The following SCAP variants were observed in gnomAD, a reference collection of about 807,000 sequenced individuals.
SCAP encodes the protein sterol regulatory element-binding protein cleavage-activating protein.
SCAP carries 65 observed loss-of-function variants against 123.6 expected under a neutral mutation model. That is an observed-to-expected ratio of 0.53 (90% CI 0.43 to 0.65). The LOEUF is 0.65. Among genes scored for constraint, SCAP ranks in the 30% least tolerant of loss-of-function variants. SCAP has a pLI of 0.00. For missense variants in SCAP, 1,398 were observed against 1,712.5 expected (o/e 0.82, Z 3.24); for synonymous variants, 740 against 726.3 (o/e 1.02, Z -0.30).
chr3:47,432,331 AAG>A (rs1275756646), intron 3 of SCAP, among the ~76,000 whole-genome samples: 12 of 151,114 alleles, frequency 7.9e-5, no homozygotes, highest in Admixed American at 5.3e-4. Context: ...AAAAAAAAAA[AAG>A]AAAAGAAAAA....
At chr3:47,438,518 A>G (rs1022849877) in intron 2 of SCAP, among the ~76,000 whole-genome samples, 1 of 152,230 alleles carries the variant, frequency 6.6e-6, no homozygotes, top group African/African-American at 2.4e-5. Flanking sequence ...TTCACTTAAA[A>G]AAAAGTTAAT....
rs756295971 is a variant in SCAP at position 47,417,551 on chromosome 3, G to A, written c.2723C>T (p.Pro908Leu). The change falls in exon 17 of 23, where the codon CCA becomes CTA. Residue 908 changes from proline to leucine, a missense_variant. Around this residue, in one of 7 missense-constraint regions of SCAP, gnomAD observed 828 missense variants for 882.5 expected, o/e 0.94. Coordinates refer to ENST00000265565, the MANE Select transcript of SCAP (RefSeq NM_012235.4). Reference sequence around the variant, plus strand: ...CACCAGGCAGCTGAAGTCATAGCCTGGGGAGTCCCGAGAGCGGCCACAGAC... The same window carrying A: ...CACCAGGCAGCTGAAGTCATAGCCTAGGGAGTCCCGAGAGCGGCCACAGAC... ...RAVCGRSRDS[P>L]GYDFSCLVQR... 13 of 1,577,104 alleles carry A rather than the reference G, an allele frequency of 8.2e-6. No homozygotes were observed. Among genetic ancestry groups the A allele is most frequent in the Middle Eastern group, 3.4e-4 (2 of 5,938 alleles).
chr3:47,416,584 G>A (rs895273670), intron 18 of SCAP, among the ~76,000 whole-genome samples: 2 of 147,000 alleles, frequency 1.4e-5, no homozygotes, highest in African/African-American at 2.6e-5. Context: ...CATGTGCCAT[G>A]CCCTATTCCA....
At chr3:47,475,671 C>T (rs1164983639) in intron 1 of SCAP, 128 bp downstream of exon 1, 1 of 152,688 alleles carries the variant, frequency 6.5e-6, no homozygotes, top group Non-Finnish European at 1.5e-5. Context: ...GCCCGCACGG[C>T]TGCTGGACAG....
At chr3:47,422,312 G>A (rs943886002) in intron 10 of SCAP, 130 bp downstream of exon 10, 11 of 751,472 alleles carry the variant, frequency 1.5e-5, no homozygotes, top group Non-Finnish European at 2.4e-5. Context: ...TGCTTGCCAG[G>A]CAAAGAGGTC....
rs753765541 is a variant in SCAP at position 47,417,383 on chromosome 3, G to A, written c.2891C>T (p.Pro964Leu). ...GCTCCAGATGGAACCCTCGGCACTG[G>A]GGGCCCAGGCGAGGGAAGGGGAGCC... is the stretch of plus-strand genomic sequence containing the variant. ...EKGSPSLAWA[P>L]SAEGSIWSLE... Residue 964 changes from proline (P) to leucine (L), a missense_variant, in exon 17 of 23, where the codon CCC becomes CTC. Transcript: ENST00000265565. 6.2e-7 allele frequency: 1 copy of A among 1,602,800 alleles called. No homozygotes were observed. The highest frequency in any genetic ancestry group is 8.5e-7 in the Non-Finnish European group (1 of 1,175,710).
intron 3 of SCAP, among the ~76,000 whole-genome samples, chr3:47,430,365 C>T (rs1408675293): frequency 1.3e-5 from 2 of 152,134 alleles, no homozygotes. Flanking sequence ...CATATGCAAC[C>T]CTCAGTAACA....
At chr3:47,443,890 G>T (rs544876912) in intron 1 of SCAP, among the ~76,000 whole-genome samples, 2 of 152,106 alleles carry the variant, frequency 1.3e-5, no homozygotes, top group South Asian at 4.1e-4. Context: ...CTCTCTCCCT[G>T]GACTTTGACT....
Position 47,420,798 on chromosome 3 carries a change from C to A in SCAP, c.1345-26G>T, listed in dbSNP as rs1222365705. 1 of 1,606,388 alleles carries A rather than the reference C, an allele frequency of 6.2e-7. No individual in the cohort carries two copies. The highest frequency in any genetic ancestry group is 1.1e-5 in the South Asian group (1 of 90,750). The stretch of plus-strand genomic sequence containing the variant: ...CTGTTGGGGGCACAGTGGTCAGGGC[C>A]TGAGTCCACCATCCAGAGGCTGCTC... On this transcript the variant is annotated intron_variant, in intron 11 of 22. Coordinates refer to ENST00000265565, the MANE Select transcript of SCAP (RefSeq NM_012235.4). The surrounding 1 kb of genome is among the most constrained non-coding windows in gnomAD (Gnocchi z 5.0).
intron 20 of SCAP, 29 bp from the exon 21 acceptor site, chr3:47,414,681 G>T (rs761196193): frequency 2.2e-5 from 35 of 1,612,740 alleles, no homozygotes; most frequent in Admixed American, 2.0e-4. Context: ...TCAGGTTCTG[G>T]TCTCTGGGAT....
Position 47,414,087 on chromosome 3 carries a change from C to G in SCAP, c.3607G>C (p.Gly1203Arg), listed in dbSNP as rs1239501379. ...FYSIQQDLGCGASLGVISDNL... is the reference protein window; with the variant it reads ...FYSIQQDLGCRASLGVISDNL... ...TCTGAGATGACACCCAAGCTTGCAC[C>G]ACAGCCCAGGTCCTGGAGGCAAGGA... Residue 1203 changes from glycine to arginine, a missense_variant, in exon 23 of 23, where the codon GGT becomes CGT. Around this residue, in one of 7 missense-constraint regions of SCAP, gnomAD observed 130 missense variants for 166.7 expected, o/e 0.78. Transcript: ENST00000265565. The G allele has an allele frequency of 6.2e-7, 1 of 1,613,312 alleles. No homozygotes were observed. Among genetic ancestry groups the G allele is most frequent in the African/African-American group, 1.3e-5 (1 of 74,926 alleles).
chr3:47,413,980 C>T lies in SCAP; in HGVS notation c.3714G>A (p.Leu1238=). The change falls in exon 23 of 23, where the codon CTG becomes CTA. Residue 1238 remains leucine (L), a synonymous_variant. Transcript: ENST00000265565. The part of the protein sequence containing the change: ...NYGDLLQTVY[L]GKNSEAQPAR... Reference sequence around the variant, plus strand: ...CAGGCTGGGCCTCACTGTTCTTCCCCAGGTAGACTGTCTGTAACAGGTCCC... The same window carrying T: ...CAGGCTGGGCCTCACTGTTCTTCCCTAGGTAGACTGTCTGTAACAGGTCCC... 6.2e-7 allele frequency: 1 copy of T among 1,613,300 alleles called. No individual in the cohort carries two copies. The highest frequency in any genetic ancestry group is 8.5e-7 in the Non-Finnish European group (1 of 1,180,024).
In SCAP at chr3:47,414,223, ATGCTGATGAGGTCATCCAGGCCAC is replaced by A; in HGVS notation, c.3527_3550del (p.Ser1176_Ser1183del). ...CTTGATGCCTGTGCTGCGGTCCCAG[ATGCTGATGAGGTCATCCAGGCCAC>A]TGCTGATGACACAGGAGGTGGTACA... On this transcript the variant is annotated inframe_deletion, in exon 22 of 23. Coordinates refer to ENST00000265565, the MANE Select transcript of SCAP (RefSeq NM_012235.4). 1.2e-6 allele frequency: 2 copies of A among 1,613,666 alleles called. No homozygotes were observed. Among genetic ancestry groups the A allele is most frequent in the South Asian group, 1.1e-5 (1 of 91,088 alleles).
Position 47,417,818 on chromosome 3 carries a change from C to A in SCAP, c.2456G>T (p.Arg819Leu), listed in dbSNP as rs567401477. 2.3e-4 allele frequency: 316 copies of A among 1,378,220 alleles called. 7 individuals are homozygous for A. In the South Asian group the frequency reaches 3.7e-3, roughly 16 times the overall value. 85.4% of individuals were successfully genotyped at this position (1,378,220 alleles called of 1,614,324 possible). A position where few individuals can be genotyped will look rare whatever the true frequency, so the allele number is the denominator to read the frequency against. Residue 819 changes from arginine to leucine, a missense_variant, in exon 17 of 23, where the codon CGC becomes CTC. Coordinates refer to ENST00000265565, the MANE Select transcript of SCAP (RefSeq NM_012235.4). ...CCCGCTGCCCACGCCACTGTCCCGGCGCTGCCTGCTGGGGGCCAGGAGGGC... is the reference window on the plus strand; with the variant it reads ...CCCGCTGCCCACGCCACTGTCCCGGAGCTGCCTGCTGGGGGCCAGGAGGGC... ...LTRIPRPGRQ[R>L]RDSGVGSGLE...
chr3:47,414,547 C>T (rs369999463), intron 21 of SCAP, 25 bp downstream of exon 21: 1 of 1,612,882 alleles, frequency 6.2e-7, no homozygotes. Flanking sequence ...CTCTGTACCC[C>T]CTACCCCACC....
intron 3 of SCAP, among the ~76,000 whole-genome samples, chr3:47,433,118 G>T (rs976214166): frequency 6.6e-6 from 1 of 152,204 alleles, no homozygotes; most frequent in African/African-American, 2.4e-5. Flanking sequence ...GCTTAAGTCA[G>T]CCCTGCACCT....
At position 47,475,059 on chromosome 3, in the gene SCAP, AAG is replaced by A. The variant is rs1235610149; in HGVS notation, c.-99+738_-99+739del. ...CGATAAGTATTACAAAATCCCCAGAAAGAGTTTATTCACCTAGCTCCGACTGT... is the reference window on the plus strand; with the variant it reads ...CGATAAGTATTACAAAATCCCCAGAAAGTTTATTCACCTAGCTCCGACTGT... On this transcript the variant is annotated intron_variant, in intron 1 of 22. Transcript: ENST00000265565. Among the ~76,000 whole-genome samples the A allele has an allele frequency of 2.0e-5, 3 of 152,182 alleles. No individual in the cohort carries two copies. In the East Asian group the frequency reaches 5.8e-4, roughly 29 times the overall value.
chr3:47,417,631 A>G lies in SCAP; in HGVS notation c.2643T>C (p.Phe881=). 6.2e-7 allele frequency: 1 copy of G among 1,608,900 alleles called. No individual in the cohort carries two copies. The highest frequency in any genetic ancestry group is 8.5e-7 in the Non-Finnish European group (1 of 1,178,360). The change falls in exon 17 of 23, where the codon TTT becomes TTC. Residue 881 remains phenylalanine, a synonymous_variant. Transcript: ENST00000265565. Reference sequence around the variant, plus strand: ...GCTGTGAGGACCGAGGCTGCGCTGAAAAGTTGGTGTCAATTAAGCAGGTGA... The same window carrying G: ...GCTGTGAGGACCGAGGCTGCGCTGAGAAGTTGGTGTCAATTAAGCAGGTGA... ...PDLTCLIDTN[F]SAQPRSSQPT...
At position 47,453,397 on chromosome 3, in the gene SCAP, G is replaced by GAA. The variant is rs11386934; in HGVS notation, c.-98-10308_-98-10307dup. ...ATCTCTTTAAAAAAAATTTTTAATGGAAAAAAAAAAGACCTGCTTATGTCA... is the reference window on the plus strand; with the variant it reads ...ATCTCTTTAAAAAAAATTTTTAATGGAAAAAAAAAAAAGACCTGCTTATGTCA... On this transcript the variant is annotated intron_variant, in intron 1 of 22. Transcript: ENST00000265565. Among the ~76,000 whole-genome samples the GAA allele has an allele frequency of 3.2e-3, 469 of 148,846 alleles. 3 individuals are homozygous for GAA. The highest frequency in any genetic ancestry group is 0.01 in the African/African-American group (421 of 40,832).
Sources: gnomAD v4.1 joint callset for allele counts (sites outside exome capture counted in the v4.1 genomes callset) on GRCh38, gnomAD v4.1.1 for gene constraint, gnomAD v4.1.1 regional missense constraint, Gnocchi (gnomAD v3.1) non-coding constraint, MANE v1.5 for transcripts, NCBI Gene and HGNC (gene_info 2026-07-23, HGNC 2026-07-21) for gene names.